The following HACE1 variants were observed in gnomAD, a reference collection of about 807,000 sequenced individuals.
HACE1 encodes HECT domain and ankyrin repeat containing E3 ubiquitin protein ligase 1.
Under a neutral mutation model 118.4 loss-of-function variants are expected in HACE1, and 73 were observed. That is an observed-to-expected ratio of 0.62 (90% CI 0.51 to 0.75). HACE1 has a LOEUF of 0.75. Among genes scored for constraint, HACE1 ranks in the 30% least tolerant of loss-of-function variants. The probability of loss-of-function intolerance (pLI) is 0.00; values close to 1 mark genes in which losing one functional copy is unlikely to be tolerated. For missense variants in HACE1, 749 were observed against 1,102.2 expected, an observed-to-expected ratio of 0.68 and a Z score of 4.54; for synonymous variants, 368 against 374.8, an observed-to-expected ratio of 0.98 and a Z score of 0.21.
Position 104,784,444 on chromosome 6 carries a change from T to C in HACE1, c.1451A>G (p.Asp484Gly), listed in dbSNP as rs1782119854. The change falls in exon 13 of 24, where the codon GAT (aspartate) becomes GGT (glycine). Residue 484 changes from aspartate (D) to glycine (G), a missense_variant. Coordinates refer to ENST00000262903, the MANE Select transcript of HACE1 (RefSeq NM_020771.4). Reference protein sequence around the residue: ...PRFIEFVCKHDEVLKCFVNRN... With the variant: ...PRFIEFVCKHGEVLKCFVNRN... The stretch of plus-strand genomic sequence containing the variant: ...ATTAACAAAGCATTTTAAAACTTCA[T>C]CATGTTTGCAGACAAATTCAATGAA... 8 of 1,612,728 alleles carry C rather than the reference T, an allele frequency of 5.0e-6. No homozygotes were observed. The highest frequency in any genetic ancestry group is 6.8e-6 in the Non-Finnish European group (8 of 1,178,918).
At chr6:104,754,994 A>G (rs11156419) in intron 19 of HACE1, among the ~76,000 whole-genome samples, 7,420 of 152,268 alleles carry the variant, frequency 0.049, 257 homozygotes, top group East Asian at 0.13. Flanking sequence ...AAGAATGGCA[A>G]GCTGGATGAA....
At chr6:104,767,575 A>G (rs1780149435) in intron 19 of HACE1, among the ~76,000 whole-genome samples, 1 of 152,122 alleles carries the variant, frequency 6.6e-6, no homozygotes, top group African/African-American at 2.4e-5. Context: ...CCTCTTTAAC[A>G]TCTGCAATCA....
intron 14 of HACE1, among the ~76,000 whole-genome samples, chr6:104,778,367 A>G (rs1562349030): frequency 6.6e-6 from 1 of 151,480 alleles, no homozygotes; most frequent in Non-Finnish European, 1.5e-5. Context: ...ACTAACACAG[A>G]GTAACACAAT....
intron 5 of HACE1, among the ~76,000 whole-genome samples, chr6:104,837,413 G>C (rs1774652001): frequency 6.6e-6 from 1 of 152,144 alleles, no homozygotes; most frequent in South Asian, 2.1e-4. Context: ...TCAACAAACA[G>C]TGCTAGTACT....
intron 6 of HACE1, among the ~76,000 whole-genome samples, chr6:104,826,533 A>C (rs138791274): frequency 1.2e-3 from 185 of 152,310 alleles, no homozygotes; most frequent in African/African-American, 3.9e-3. Flanking sequence ...AAGTCCAAAA[A>C]ACCTAACAAT....
intron 5 of HACE1, among the ~76,000 whole-genome samples, chr6:104,841,446 G>GT (rs2115155153): frequency 6.6e-6 from 1 of 152,174 alleles, no homozygotes; most frequent in South Asian, 2.1e-4. Flanking sequence ...ATAACCCTCT[G>GT]TTGCACGTAC....
In HACE1 at chr6:104,728,153, A is replaced by G. The variant is rs1004953095; in HGVS notation, c.*1509T>C. The G allele has an allele frequency of 6.6e-6, 1 of 152,182 alleles. No individual in the cohort carries two copies. Among genetic ancestry groups the G allele is most frequent in the Admixed American group, 6.5e-5 (1 of 15,272 alleles). The allele number at this position is 152,182 out of a possible 1,614,324, so 9.4% of individuals were successfully genotyped here. A position where few individuals can be genotyped will look rare whatever the true frequency, so the allele number is the denominator to read the frequency against. ...ACATAACTACTTGCAAAAAAAACTA[A>G]TATGACAAAGCCAATGTATTATATG... On this transcript the variant is annotated 3_prime_UTR_variant, in exon 24 of 24. Transcript: ENST00000262903.
chr6:104,851,002 C>A lies in HACE1; in HGVS notation c.132-6G>T, dbSNP rs767238906. The A allele has an allele frequency of 6.5e-7, 1 of 1,543,238 alleles. No individual in the cohort carries two copies. The highest frequency in any genetic ancestry group is 1.4e-5 in the African/African-American group (1 of 73,556). ...ATAGTAGTTCAGAAACAGACCTATG[C>A]CAAAATAAAAATGAGGAATCAAGTG... is the stretch of plus-strand genomic sequence containing the variant. On this transcript the variant is annotated splice_polypyrimidine_tract_variant and splice_region_variant and intron_variant, in intron 2 of 23. Transcript: ENST00000262903.
At chr6:104,789,108 C>A (rs538880282) in intron 11 of HACE1, among the ~76,000 whole-genome samples, 1 of 152,092 alleles carries the variant, frequency 6.6e-6, no homozygotes, top group East Asian at 1.9e-4. Context: ...CTTGAAATCA[C>A]CCCCACAATG....
chr6:104,775,951 G>A (rs1341583614), intron 17 of HACE1, among the ~76,000 whole-genome samples: 1 of 152,178 alleles, frequency 6.6e-6, no homozygotes, highest in Non-Finnish European at 1.5e-5. Flanking sequence ...ACAAGCGACT[G>A]TGCAAAGCAT....
rs1036712929 is a variant in HACE1 at position 104,730,666 on chromosome 6, C to T, written c.2514-250G>A. 6 of 457,536 alleles carry T rather than the reference C, an allele frequency of 1.3e-5. No individual in the cohort carries two copies. In the Admixed American group the frequency reaches 2.0e-4, roughly 16 times the overall value. The allele number at this position is 457,536 out of a possible 1,614,324, so 28.3% of individuals were successfully genotyped here. A position where few individuals can be genotyped will look rare whatever the true frequency, so the allele number is the denominator to read the frequency against. ...TTGCAACTGGCCACAGCACATACCT[C>T]AATATTGCATTTAGTATGCTACATT... On this transcript the variant is annotated intron_variant, in intron 22 of 23. Coordinates refer to ENST00000262903, the MANE Select transcript of HACE1 (RefSeq NM_020771.4).
intron 5 of HACE1, among the ~76,000 whole-genome samples, chr6:104,840,332 A>T (rs1276704165): frequency 6.6e-6 from 1 of 152,208 alleles, no homozygotes; most frequent in Non-Finnish European, 1.5e-5. Context: ...CACAAAAATG[A>T]TCTAACTAAA....
intron 6 of HACE1, among the ~76,000 whole-genome samples, chr6:104,816,849 C>A (rs144755163): frequency 4.7e-4 from 71 of 152,348 alleles, no homozygotes; most frequent in African/African-American, 1.7e-3. Flanking sequence ...GCCTCAGGAT[C>A]CCAACCCATG....
chr6:104,749,410 A>T (rs6571204), intron 20 of HACE1, among the ~76,000 whole-genome samples: 1 of 152,148 alleles, frequency 6.6e-6, no homozygotes, highest in Admixed American at 6.5e-5. Flanking sequence ...AAAATTAATT[A>T]GCAAATTTTA....
chr6:104,758,046 T>A (rs1043286898), intron 19 of HACE1, among the ~76,000 whole-genome samples: 4 of 152,084 alleles, frequency 2.6e-5, no homozygotes, highest in African/African-American at 9.7e-5. Flanking sequence ...TATGGGACTA[T>A]GTGAAAAGAC....
chr6:104,750,989 G>A (rs557283285), intron 19 of HACE1, among the ~76,000 whole-genome samples: 3 of 152,256 alleles, frequency 2.0e-5, no homozygotes, highest in East Asian at 3.9e-4. Flanking sequence ...CATGACATCT[G>A]GAGTAACATC....
chr6:104,846,514 C>A (rs1031739896), intron 4 of HACE1, among the ~76,000 whole-genome samples: 2 of 152,162 alleles, frequency 1.3e-5, no homozygotes, highest in African/African-American at 4.8e-5. Context: ...ACCAGTCACC[C>A]AAGTGCTCTG....
intron 7 of HACE1, among the ~76,000 whole-genome samples, chr6:104,799,681 C>T (rs1770082661): frequency 6.6e-6 from 1 of 152,176 alleles, no homozygotes; most frequent in Non-Finnish European, 1.5e-5. Context: ...CAATATCATG[C>T]TGCTCTAGCA....
At chr6:104,744,684 GC>G (rs1777212569) in intron 20 of HACE1, 74 bp from the exon 21 acceptor site, 1 of 857,062 alleles carries the variant, frequency 1.2e-6, no homozygotes, top group Non-Finnish European at 2.0e-6. Context: ...TGGTAAATTT[GC>G]CATAATTAGA....
Sources: gnomAD v4.1 joint callset for allele counts (sites outside exome capture counted in the v4.1 genomes callset) on GRCh38, gnomAD v4.1.1 for gene constraint, MANE v1.5 for transcripts, NCBI Gene and HGNC (gene_info 2026-07-23, HGNC 2026-07-21) for gene names.